The following SUGP1 variants were observed in gnomAD, a reference collection of about 807,000 sequenced individuals.
The protein encoded by SUGP1 is SURP and G-patch domain-containing protein 1.
In SUGP1, 34 loss-of-function variants were observed where a neutral mutation model predicts 76.5. The observed-to-expected ratio is 0.44, with a 90% CI of 0.34 to 0.59. The LOEUF (loss-of-function observed/expected upper bound fraction) is 0.59, where lower values mean the gene tolerates loss of function less well. SUGP1 is among the 20% of genes least tolerant of loss of function. The pLI, the probability that SUGP1 is intolerant of heterozygous loss-of-function variation, is 0.01. For synonymous variants in SUGP1, 326 were observed against 326.2 expected (o/e 1.00, Z 0.01); for missense variants, 752 against 851.7 (o/e 0.88, Z 1.46).
intron 3 of SUGP1, among the ~76,000 whole-genome samples, chr19:19,308,950 T>C (rs1379467716): frequency 6.6e-6 from 1 of 151,882 alleles, no homozygotes; most frequent in African/African-American, 2.4e-5. Flanking sequence ...CACCTCAACC[T>C]CCACCTCCTG....
intron 1 of SUGP1, among the ~76,000 whole-genome samples, chr19:19,317,257 A>G (rs565561543): frequency 4.5e-4 from 69 of 152,292 alleles, no homozygotes; most frequent in African/African-American, 1.6e-3. Flanking sequence ...AAACACTAGA[A>G]GAGGAGACAT....
intron 6 of SUGP1, 115 bp downstream of exon 6, chr19:19,303,233 C>T (rs544600096): frequency 4.7e-6 from 4 of 848,762 alleles, no homozygotes; most frequent in South Asian, 4.5e-5. Flanking sequence ...ATACAGGCCT[C>T]AACCACCGGT....
Position 19,276,509 on chromosome 19 carries a change from T to C in SUGP1, c.*139A>G, listed in dbSNP as rs969611797. The C allele has an allele frequency of 1.0e-5, 10 of 993,160 alleles. No individual in the cohort carries two copies. The highest frequency in any genetic ancestry group is 1.4e-5 in the Non-Finnish European group (9 of 649,104). 61.5% of individuals were successfully genotyped at this position (993,160 alleles called of 1,614,324 possible). A position where few individuals can be genotyped will look rare whatever the true frequency, so the allele number is the denominator to read the frequency against. ...GGGCTTCCTGCAACAGGACCAGGCA[T>C]CTGTGGTGGATGAGCACTGGGACTT... On this transcript the variant is annotated 3_prime_UTR_variant, in exon 14 of 14. Coordinates refer to ENST00000247001, the MANE Select transcript of SUGP1 (RefSeq NM_172231.4).
rs10414935 is a variant in SUGP1, at chr19:19,305,823, G to T, written c.538+26C>A. 6.5e-3 allele frequency: 10,156 copies of T among 1,564,084 alleles called. 581 individuals are homozygous for T. The African/African-American group carries it at 0.12, about 19-fold the overall frequency. The stretch of plus-strand genomic sequence containing the variant: ...TGCTAGAGCACGGGCACTGGTGGTG[G>T]GGGAGCAGCAGCTCCCACAACTTAC... On this transcript the variant is annotated intron_variant, in intron 4 of 13. Coordinates refer to ENST00000247001, the MANE Select transcript of SUGP1 (RefSeq NM_172231.4).
At chr19:19,315,233 C>CAAG (rs2061384468) in intron 2 of SUGP1, among the ~76,000 whole-genome samples, 1 of 151,838 alleles carries the variant, frequency 6.6e-6, no homozygotes, top group African/African-American at 2.4e-5. Context: ...GAGGCTGAGG[C>CAAG]AAGAGAACTG....
chr19:19,303,866 T>C lies in SUGP1; in HGVS notation c.539-19A>G, dbSNP rs1423040691. The C allele has an allele frequency of 3.1e-6, 5 of 1,613,594 alleles. No individual in the cohort carries two copies. The highest frequency in any genetic ancestry group is 4.2e-6 in the Non-Finnish European group (5 of 1,180,026). On this transcript the variant is annotated intron_variant, in intron 4 of 13. Transcript: ENST00000247001. ...GGTGAAACTTTAAGGAGGCTGTCAG[T>C]ACTGGGGTTCAACTCACACACCCCA...
At chr19:19,285,623 T>C (rs1413807498) in intron 8 of SUGP1, among the ~76,000 whole-genome samples, 1 of 152,146 alleles carries the variant, frequency 6.6e-6, no homozygotes, top group Non-Finnish European at 1.5e-5. Context: ...TGGAGTGCAA[T>C]GGCGTGAACA....
chr19:19,312,343 G>C (rs548306087), intron 2 of SUGP1, among the ~76,000 whole-genome samples: 1 of 152,262 alleles, frequency 6.6e-6, no homozygotes, highest in East Asian at 1.9e-4. Context: ...CTCTAAATTA[G>C]AAGTCAGAGG....
intron 1 of SUGP1, among the ~76,000 whole-genome samples, chr19:19,320,177 G>A (rs1429322875): frequency 6.6e-6 from 1 of 152,248 alleles, no homozygotes; most frequent in African/African-American, 2.4e-5. Context: ...GGGGAACGGA[G>A]GTTGGAGCAG....
At chr19:19,278,644 G>T in intron 11 of SUGP1, 46 bp downstream of exon 11, 1 of 1,542,128 alleles carries the variant, frequency 6.5e-7, no homozygotes, top group Non-Finnish European at 8.9e-7. Context: ...CTACAGGAGG[G>T]GCTGGCATGT....
At chr19:19,284,530 T>C (rs1170135938) in intron 8 of SUGP1, among the ~76,000 whole-genome samples, 2 of 152,192 alleles carry the variant, frequency 1.3e-5, no homozygotes, top group African/African-American at 4.8e-5. Flanking sequence ...TGTGAAAACC[T>C]TGCACTTTCT....
At chr19:19,297,749 A>AT (rs1225135057) in intron 7 of SUGP1, among the ~76,000 whole-genome samples, 1 of 152,202 alleles carries the variant, frequency 6.6e-6, no homozygotes, top group Non-Finnish European at 1.5e-5. Context: ...ACTTGTCTTG[A>AT]TCCCAAGGGC....
Position 19,277,001 on chromosome 19 carries a change from A to G in SUGP1, c.1857T>C (p.Tyr619=), listed in dbSNP as rs1367234223. Residue 619 remains tyrosine, a synonymous_variant, in exon 13 of 14, where the codon TAT becomes TAC. Transcript: ENST00000247001. ...PAELSKEDDE[Y]EAFRKRMMLA... ...GCATCATCCTCTTGCGGAACGCCTC[A>G]TACTCGTCGTCCTCCTTGGAGAGCT... is the stretch of plus-strand genomic sequence containing the variant. The G allele has an allele frequency of 6.2e-7, 1 of 1,613,096 alleles. No homozygotes were observed. Among genetic ancestry groups the G allele is most frequent in the South Asian group, 1.1e-5 (1 of 91,082 alleles).
intron 8 of SUGP1, among the ~76,000 whole-genome samples, chr19:19,286,855 C>T (rs568146677): frequency 1.5e-4 from 23 of 152,270 alleles, no homozygotes; most frequent in African/African-American, 5.5e-4. Flanking sequence ...AGCAGCCTGG[C>T]TAACATGGCG....
At position 19,276,545 on chromosome 19, in the gene SUGP1, C is replaced by T; in HGVS notation, c.*103G>A. 7.0e-7 allele frequency: 1 copy of T among 1,433,754 alleles called. No homozygotes were observed. The highest frequency in any genetic ancestry group is 2.3e-5 in the East Asian group (1 of 43,874). 88.8% of individuals were successfully genotyped at this position (1,433,754 alleles called of 1,614,324 possible). Reference sequence around the variant, plus strand: ...TGAGCACTGGGACTTTATTACACGGCACGGCACTCGTGACAACGGAAGGGG... The same window carrying T: ...TGAGCACTGGGACTTTATTACACGGTACGGCACTCGTGACAACGGAAGGGG... On this transcript the variant is annotated 3_prime_UTR_variant, in exon 14 of 14. Coordinates refer to ENST00000247001, the MANE Select transcript of SUGP1 (RefSeq NM_172231.4).
chr19:19,277,250 GC>G (rs200260377), intron 12 of SUGP1, among the ~76,000 whole-genome samples, 174 bp from the exon 13 acceptor site: 1,769 of 141,102 alleles, frequency 0.013, 108 homozygotes, highest in African/African-American at 0.044. Flanking sequence ...CCCGGGGCGG[GC>G]GGGGGGGGGG....
At chr19:19,320,323 T>G (rs1019513582) in intron 1 of SUGP1, 140 bp downstream of exon 1, 64 of 867,476 alleles carry the variant, frequency 7.4e-5, no homozygotes, top group South Asian at 1.0e-4. Flanking sequence ...AACCAAGAGG[T>G]GCAGAAGCCG....
intron 8 of SUGP1, among the ~76,000 whole-genome samples, chr19:19,289,749 A>G (rs1277425704): frequency 1.3e-5 from 2 of 152,140 alleles, no homozygotes; most frequent in Non-Finnish European, 2.9e-5. Context: ...CTCTGCCTCA[A>G]AAAAAACAAA....
At chr19:19,295,679 G>A (rs543874095) in intron 8 of SUGP1, among the ~76,000 whole-genome samples, 1 of 150,374 alleles carries the variant, frequency 6.7e-6, no homozygotes, top group South Asian at 2.1e-4. Flanking sequence ...CACTTGCACT[G>A]CAGCCTGGGC....
Sources: gnomAD v4.1 joint callset for allele counts (sites outside exome capture counted in the v4.1 genomes callset) on GRCh38, gnomAD v4.1.1 for gene constraint, MANE v1.5 for transcripts, NCBI Gene and HGNC (gene_info 2026-07-23, HGNC 2026-07-21) for gene names.